Variants in PGAP4 observed in about 807,000 individuals in gnomAD.
PGAP4 encodes post-GPI attachment to proteins GalNAc transferase 4, also known as GPI-N-acetylgalactosamine transferase PGAP4.
Under a neutral mutation model 28.2 loss-of-function variants are expected in PGAP4, and 12 were observed. The ratio of observed to expected loss-of-function variants is 0.42; its 90% CI spans 0.27 to 0.69. The LOEUF is 0.69. Ranked by LOEUF, PGAP4 falls within the 30% of genes least tolerant of loss-of-function variation. PGAP4 has a pLI of 0.22. For missense variants in PGAP4, 425 were observed against 513.5 expected, an observed-to-expected ratio of 0.83 and a Z score of 1.67; for synonymous variants, 205 against 211.8, an observed-to-expected ratio of 0.97 and a Z score of 0.28.
intron 2 of PGAP4, among the ~76,000 whole-genome samples, chr9:101,495,676 T>A (rs866305821): frequency 6.7e-6 from 1 of 149,992 alleles, no homozygotes; most frequent in African/African-American, 2.4e-5. Flanking sequence ...CTTAAAAAAA[T>A]AGAGTTTTAA....
rs552740295 is a variant in PGAP4, at chr9:101,486,909, G to C, written c.-78+40C>G. 2 of 152,808 alleles carry C rather than the reference G, an allele frequency of 1.3e-5. No individual in the cohort carries two copies. The highest frequency in any genetic ancestry group is 3.9e-4 in the East Asian group (2 of 5,188). 9.5% of individuals were successfully genotyped at this position (152,808 alleles called of 1,614,324 possible). On this transcript the variant is annotated intron_variant, in intron 1 of 1. Coordinates refer to ENST00000374848, the MANE Select transcript of PGAP4 (RefSeq NM_032342.3). This position sits in a 1 kb window ranked among gnomAD's most constrained non-coding sequence, Gnocchi z 4.7. Reference sequence around the variant, plus strand: ...TAGTGTCCAGGGCTCCGACCACCGCGCCAGAAGGGCTGGGCAGATCGTGCG... The same window carrying C: ...TAGTGTCCAGGGCTCCGACCACCGCCCCAGAAGGGCTGGGCAGATCGTGCG...
At chr9:101,517,305 A>G (rs2118620086) in intron 2 of PGAP4, among the ~76,000 whole-genome samples, 1 of 152,332 alleles carries the variant, frequency 6.6e-6, no homozygotes, top group South Asian at 2.1e-4. Context: ...TTATGAAATA[A>G]AGGTGATCAA....
intron 2 of PGAP4, chr9:101,501,636 A>G (rs1372291491): frequency 1.2e-5 from 6 of 493,768 alleles, no homozygotes; most frequent in Non-Finnish European, 2.4e-5. Flanking sequence ...ATAGTGAAAC[A>G]TTTCATTTAG....
intron 1 of PGAP4, among the ~76,000 whole-genome samples, chr9:101,482,879 A>G (rs1447489083): frequency 6.6e-6 from 1 of 152,208 alleles, no homozygotes; most frequent in Non-Finnish European, 1.5e-5. Flanking sequence ...TATTAAGGCC[A>G]TACTACATAT....
At chr9:101,482,103 A>C (rs1192287667) in intron 1 of PGAP4, among the ~76,000 whole-genome samples, 1 of 152,192 alleles carries the variant, frequency 6.6e-6, no homozygotes, top group Non-Finnish European at 1.5e-5. Flanking sequence ...TTGTATAAAA[A>C]AATCATTTAT....
In PGAP4 at chr9:101,508,702, A is replaced by G. The variant is rs150707040; in HGVS notation, c.-164-19502T>C. 3.5e-3 allele frequency among the ~76,000 whole-genome samples: 537 copies of G among 152,246 alleles called. 1 individual carries two copies. Among genetic ancestry groups the G allele is most frequent in the Non-Finnish European group, 6.7e-3 (457 of 67,996 alleles). On this transcript the variant is annotated intron_variant, in intron 2 of 3. Coordinates refer to the PGAP4 transcript ENST00000374851. ...AGAATGATTCAAGTGCATTACATTT[A>G]TTGTGCACTTTATTTCTATTATTAT...
chr9:101,533,469 T>G (rs917992559), upstream of PGAP4: 1 of 152,288 alleles, frequency 6.6e-6, no homozygotes, highest in Non-Finnish European at 1.5e-5. Context: ...CTGAGGTGTC[T>G]GAGGCTAGTC....
chr9:101,526,356 T>C (rs1185702739), intron 2 of PGAP4, among the ~76,000 whole-genome samples: 2 of 152,262 alleles, frequency 1.3e-5, no homozygotes, highest in Admixed American at 1.3e-4. Context: ...ATTTGCTGCA[T>C]GGTTTGGACA....
chr9:101,530,483 A>G (rs996745345), intron 2 of PGAP4, among the ~76,000 whole-genome samples: 17 of 152,400 alleles, frequency 1.1e-4, no homozygotes, highest in African/African-American at 4.1e-4. Context: ...ATGAGACTTT[A>G]AAAGTGAAAT....
At chr9:101,496,068 G>A (rs1373930783) in intron 2 of PGAP4, among the ~76,000 whole-genome samples, 3 of 151,290 alleles carry the variant, frequency 2.0e-5, no homozygotes, top group African/African-American at 4.9e-5. Flanking sequence ...CTTACTAACA[G>A]CATGGAAAGT....
At chr9:101,507,584 C>T (rs571166535) in intron 2 of PGAP4, among the ~76,000 whole-genome samples, 28 of 152,206 alleles carry the variant, frequency 1.8e-4, no homozygotes, top group African/African-American at 6.7e-4. Flanking sequence ...AGAAAAAACA[C>T]GAGACAGCCT....
chr9:101,523,619 C>CTT lies in PGAP4; in HGVS notation c.-165+7727_-165+7728dup, dbSNP rs71356369. On this transcript the variant is annotated intron_variant, in intron 2 of 3. Transcript: ENST00000374851. ...ACATTTCTCCCCTCACTTCTTGTAT[C>CTT]TTTTTTTTTTTTTTTTTTTTTTTTT... Among the ~76,000 whole-genome samples, 170 of 59,234 alleles carry CTT rather than the reference C, an allele frequency of 2.9e-3. 3 individuals carry two copies. Among genetic ancestry groups the CTT allele is most frequent in the African/African-American group, 3.5e-3 (49 of 14,094 alleles). The allele number at this position is 59,234 out of a possible 152,430, so 38.9% of individuals were successfully genotyped here.
chr9:101,482,698 C>T (rs757000952), intron 1 of PGAP4, among the ~76,000 whole-genome samples: 5 of 152,314 alleles, frequency 3.3e-5, no homozygotes, highest in Admixed American at 6.5e-5. Context: ...CTAACTCAAC[C>T]ATCAAGAATT....
At chr9:101,504,498 T>C (rs968896488) in intron 2 of PGAP4, among the ~76,000 whole-genome samples, 1 of 152,056 alleles carries the variant, frequency 6.6e-6, no homozygotes, top group African/African-American at 2.4e-5. Flanking sequence ...GTCTTCCTCA[T>C]AGAGCCTGGA....
rs745773424 is a variant in PGAP4 at position 101,476,116 on chromosome 9, A to G, written c.977T>C (p.Val326Ala). The change falls in exon 2 of 2, where the codon GTG becomes GCG. Residue 326 changes from valine to alanine, a missense_variant. Coordinates refer to ENST00000374848, the MANE Select transcript of PGAP4 (RefSeq NM_032342.3). The surrounding 1 kb of genome is among the most constrained non-coding windows in gnomAD (Gnocchi z 7.0). ...LRRLSPSLYS[V>A]VPASQCCTPA... ...GGTGCAACACTGAGAGGCAGGAACCACACTGTACAGGGAAGGACTCAGCCG... is the reference window on the plus strand; with the variant it reads ...GGTGCAACACTGAGAGGCAGGAACCGCACTGTACAGGGAAGGACTCAGCCG... 1.2e-6 allele frequency: 2 copies of G among 1,614,050 alleles called. No homozygotes were observed. The highest frequency in any genetic ancestry group is 1.7e-5 in the Admixed American group (1 of 60,012).
intron 2 of PGAP4, among the ~76,000 whole-genome samples, chr9:101,493,011 T>A (rs1423938209): frequency 6.6e-6 from 1 of 151,770 alleles, no homozygotes; most frequent in Non-Finnish European, 1.5e-5. Context: ...TCCCAGCACT[T>A]TGGGAGGCCG....
intron 2 of PGAP4, among the ~76,000 whole-genome samples, chr9:101,520,164 T>G (rs548668481): frequency 6.6e-6 from 1 of 152,288 alleles, no homozygotes; most frequent in African/African-American, 2.4e-5. Context: ...AGATTTGTTC[T>G]TTTTACTTAG....
upstream of PGAP4, among the ~76,000 whole-genome samples, chr9:101,491,815 A>ATATAT (rs1216806709): frequency 1.4e-5 from 1 of 70,182 alleles, no homozygotes; most frequent in Non-Finnish European, 3.2e-5. Flanking sequence ...CTTAAAGGAT[A>ATATAT]TATATATATA....
At chr9:101,490,260 G>A (rs1826674288), upstream of PGAP4, among the ~76,000 whole-genome samples, 1 of 152,144 alleles carries the variant, frequency 6.6e-6, no homozygotes, top group African/African-American at 2.4e-5. Context: ...TGCAATCTCA[G>A]CTCACTGCAA....
Sources: allele counts gnomAD v4.1 joint callset (sites outside exome capture counted in the v4.1 genomes callset), GRCh38; gene constraint gnomAD v4.1.1; non-coding constraint Gnocchi (gnomAD v3.1); transcripts MANE v1.5; gene names NCBI Gene and HGNC (gene_info 2026-07-23, HGNC 2026-07-21).